WDR20: variants seen among roughly 807,000 people sequenced by gnomAD.
The protein encoded by WDR20 is WD repeat domain 20, also known as WD repeat-containing protein 20.
A neutral mutation model predicts 38.7 loss-of-function variants in WDR20; 3 were observed. The observed-to-expected ratio is 0.08, with a 90% confidence interval of 0.04 to 0.20. The LOEUF is 0.20. Ranked by LOEUF, WDR20 falls within the 10% of genes least tolerant of loss-of-function variation. The pLI is 1.00. For synonymous variants in WDR20, 298 were observed against 285.6 expected (o/e 1.04, Z -0.44); for missense variants, 559 against 727.7 (o/e 0.77, Z 2.67).
At chr14:102,183,120 A>G (rs986606868) in intron 1 of WDR20, among the ~76,000 whole-genome samples, 4 of 152,182 alleles carry the variant, frequency 2.6e-5, no homozygotes, top group Non-Finnish European at 1.5e-5. Flanking sequence ...TTATTTGAGG[A>G]TATTCGACAT....
intron 1 of WDR20, among the ~76,000 whole-genome samples, chr14:102,183,842 C>T (rs1566952256): frequency 6.6e-6 from 1 of 152,200 alleles, no homozygotes; most frequent in Non-Finnish European, 1.5e-5. Context: ...AAGGTTAGAA[C>T]AACAACAGTG....
rs1555395788 is a variant in WDR20, at chr14:102,192,181, A to AAT, written c.250-2757_250-2756insAT. On this transcript the variant is annotated intron_variant, in intron 1 of 2. Coordinates refer to ENST00000342702, the MANE Select transcript of WDR20 (RefSeq NM_144574.4). ...GGATATTTTTAGAATATTTACCTGAATTTTTTTTTTTTTTTTGAGACAGAG... is the reference window on the plus strand; with the variant it reads ...GGATATTTTTAGAATATTTACCTGAAATTTTTTTTTTTTTTTTTGAGACAGAG... 1.5e-4 allele frequency among the ~76,000 whole-genome samples: 21 copies of AAT among 143,210 alleles called. 1 individual carries two copies. The Middle Eastern group carries it at 0.014, about 97-fold the overall frequency. The allele number at this position is 143,210 out of a possible 152,430, so 94.0% of individuals were successfully genotyped here. A position where few individuals can be genotyped will look rare whatever the true frequency, so the allele number is the denominator to read the frequency against.
chr14:102,203,600 A>C (rs2060918683), intron 2 of WDR20, among the ~76,000 whole-genome samples: 1 of 152,128 alleles, frequency 6.6e-6, no homozygotes, highest in Non-Finnish European at 1.5e-5. Flanking sequence ...CATGGCCTGG[A>C]TCCCCACCCC....
intron 1 of WDR20, among the ~76,000 whole-genome samples, chr14:102,143,230 A>G (rs1484571259): frequency 1.3e-5 from 2 of 152,208 alleles, no homozygotes; most frequent in East Asian, 1.9e-4. Flanking sequence ...TCACAGGGAT[A>G]TTATATACTC....
At chr14:102,141,235 T>C (rs575717632) in intron 1 of WDR20, among the ~76,000 whole-genome samples, 1 of 152,282 alleles carries the variant, frequency 6.6e-6, no homozygotes, top group South Asian at 2.1e-4. Flanking sequence ...AAAGATTAAG[T>C]CGTAAATGCA....
intron 1 of WDR20, among the ~76,000 whole-genome samples, chr14:102,153,650 G>A (rs567827953): frequency 2.0e-4 from 30 of 152,112 alleles, no homozygotes; most frequent in Non-Finnish European, 3.4e-4. Context: ...TTTCCTTGTA[G>A]CAATGGAAGA....
At chr14:102,194,592 C>T (rs977341970) in intron 1 of WDR20, among the ~76,000 whole-genome samples, 2 of 152,170 alleles carry the variant, frequency 1.3e-5, no homozygotes, top group Admixed American at 6.5e-5. Flanking sequence ...TATGTGGTTA[C>T]TCTGTTAGAC....
chr14:102,202,982 C>T (rs1415016264), intron 2 of WDR20, among the ~76,000 whole-genome samples: 1 of 152,250 alleles, frequency 6.6e-6, no homozygotes, highest in East Asian at 1.9e-4. Flanking sequence ...CGCTTTCCAT[C>T]TTGCCCTCCA....
rs1322955304 is a variant in WDR20, at chr14:102,222,225, C to CT, written c.1693-604dup. Among the ~76,000 whole-genome samples, 1 of 152,196 alleles carries CT rather than the reference C, an allele frequency of 6.6e-6. No individual in the cohort carries two copies. The highest frequency in any genetic ancestry group is 2.4e-5 in the African/African-American group (1 of 41,452). ...ACCCAGCTGCAGCCTCACGGCAAGA[C>CT]TACTTTGTTCTGGGGCTCCCCCGAC... On this transcript the variant is annotated intron_variant, in intron 3 of 3. Coordinates refer to the WDR20 transcript ENST00000335263. This position sits in a 1 kb window ranked among gnomAD's most constrained non-coding sequence, Gnocchi z 4.4.
chr14:102,161,142 A>ATATAT (rs1342924049), intron 1 of WDR20, among the ~76,000 whole-genome samples: 25 of 16,058 alleles, frequency 1.6e-3, no homozygotes, highest in East Asian at 5.5e-3. Context: ...ATATATATAT[A>ATATAT]TTTTTTTTTT....
Position 102,209,746 on chromosome 14 carries a change from C to T in WDR20, c.1576C>T (p.Leu526=). ...RMEDVPLLEP[L]ICKKIAHERL... ...GGAAGATGTTCCCTTGTTAGAGCCG[C>T]TGATATGTAAAAAGATAGCACATGA... The change falls in exon 3 of 3, where the codon CTG becomes TTG. Residue 526 remains leucine, a synonymous_variant. Coordinates refer to ENST00000342702, the MANE Select transcript of WDR20 (RefSeq NM_144574.4). This position sits in a 1 kb window ranked among gnomAD's most constrained non-coding sequence, Gnocchi z 6.0. 1 of 1,614,106 alleles carries T rather than the reference C, an allele frequency of 6.2e-7. No individual in the cohort carries two copies. The highest frequency in any genetic ancestry group is 1.3e-5 in the African/African-American group (1 of 75,020).
downstream of WDR20, chr14:102,224,430 C>CCAA (rs2064162181): frequency 2.7e-6 from 1 of 377,254 alleles, no homozygotes; most frequent in African/African-American, 2.1e-5. Flanking sequence ...TACTGGAATC[C>CCAA]CAACAGAATG....
chr14:102,214,228 G>A, downstream of WDR20: 3 of 985,408 alleles, frequency 3.0e-6, no homozygotes, highest in Non-Finnish European at 2.4e-6. Flanking sequence ...CTACCACCCT[G>A]GCAGCAGCCT....
intron 2 of WDR20, among the ~76,000 whole-genome samples, chr14:102,200,434 G>A (rs1247932141): frequency 2.0e-5 from 3 of 149,410 alleles, no homozygotes; most frequent in Non-Finnish European, 4.5e-5. Flanking sequence ...GCACCCCACA[G>A]GGGCGAGGAG....
chr14:102,178,498 A>G lies in WDR20; in HGVS notation c.250-16440A>G, dbSNP rs1263349890. On this transcript the variant is annotated intron_variant, in intron 1 of 2. Coordinates refer to ENST00000342702, the MANE Select transcript of WDR20 (RefSeq NM_144574.4). ...ACCTCTTCTCCCTCTCTTCCCTTAC[A>G]CCAGTGGTTCTCTTAGGCGTGGTCC... Among the ~76,000 whole-genome samples, 2 of 151,574 alleles carry G rather than the reference A, an allele frequency of 1.3e-5. 1 individual carries two copies. The highest frequency in any genetic ancestry group is 2.9e-5 in the Non-Finnish European group (2 of 67,916).
intron 2 of WDR20, among the ~76,000 whole-genome samples, chr14:102,200,461 TTTTTTTTGTGTGTGTGTGTGTG>T (rs1169895145): frequency 9.9e-6 from 1 of 100,678 alleles, no homozygotes; most frequent in Non-Finnish European, 2.1e-5. Flanking sequence ...TTTTAAATTT[TTTTTTTTGTGTGTGTGTGTGTG>T]TGTGTGTGTG....
exon 4 of WDR20, chr14:102,223,547 C>A (rs1222461038): frequency 6.6e-6 from 1 of 152,168 alleles, no homozygotes; most frequent in Non-Finnish European, 1.5e-5. Context: ...GCAATCAACT[C>A]TGTATTATAT....
chr14:102,152,336 A>G (rs1364180751), intron 1 of WDR20, among the ~76,000 whole-genome samples: 2 of 152,300 alleles, frequency 1.3e-5, no homozygotes, highest in East Asian at 1.9e-4. Context: ...AGCTGACATT[A>G]TTAATAACAT....
At chr14:102,213,275 C>T, downstream of WDR20, 1 of 985,464 alleles carries the variant, frequency 1.0e-6, no homozygotes, top group Non-Finnish European at 1.2e-6. Context: ...AGAAGGGAAC[C>T]TTTGGAAAAG....
Sources: allele counts gnomAD v4.1 joint callset (sites outside exome capture counted in the v4.1 genomes callset), GRCh38; gene constraint gnomAD v4.1.1; non-coding constraint Gnocchi (gnomAD v3.1); transcripts MANE v1.5; gene names NCBI Gene and HGNC (gene_info 2026-07-23, HGNC 2026-07-21).